The following CCDC141 variants were observed in gnomAD, a reference collection of about 807,000 sequenced individuals.
The protein encoded by CCDC141 is coiled-coil domain-containing protein 141.
CCDC141 carries 168 observed loss-of-function variants against 181.0 expected under a neutral mutation model. The observed-to-expected ratio is 0.93, with a 90% CI of 0.82 to 1.05. The LOEUF is 1.05. Ranked by LOEUF, CCDC141 falls within the 50% of genes least tolerant of loss-of-function variation. The probability of loss-of-function intolerance (pLI) is 0.00; values close to 1 mark genes in which losing one functional copy is unlikely to be tolerated. For synonymous variants in CCDC141, 666 were observed against 642.3 expected (o/e 1.04, Z -0.56); for missense variants, 1,902 against 1,788.5 (o/e 1.06, Z -1.14).
At chr2:178,968,032 G>A (rs1056485019) in intron 4 of CCDC141, among the ~76,000 whole-genome samples, 1 of 152,152 alleles carries the variant, frequency 6.6e-6, no homozygotes, top group South Asian at 2.1e-4. Context: ...AGCAAGAAGA[G>A]CTAACTATCC....
At chr2:178,882,638 A>C (rs956198500) in intron 11 of CCDC141, among the ~76,000 whole-genome samples, 3 of 152,104 alleles carry the variant, frequency 2.0e-5, no homozygotes, top group African/African-American at 7.2e-5. Flanking sequence ...TAGGGATAGA[A>C]ACTAAGGTGA....
At chr2:178,991,447 A>T (rs752244115) in intron 2 of CCDC141, among the ~76,000 whole-genome samples, 7 of 152,050 alleles carry the variant, frequency 4.6e-5, no homozygotes, top group Non-Finnish European at 8.8e-5. Context: ...TTAACTTTTG[A>T]CATTTTAAAA....
At chr2:179,045,388 A>T (rs1460181853) in intron 2 of CCDC141, among the ~76,000 whole-genome samples, 1 of 148,880 alleles carries the variant, frequency 6.7e-6, no homozygotes, top group Non-Finnish European at 1.5e-5. Flanking sequence ...TATATGTGCC[A>T]CATTTTCTTA....
In CCDC141 at chr2:178,994,676, C is replaced by T. The variant is rs11695926; in HGVS notation, c.226-16001G>A. ...CAGAAAATGGGATTTTCTTTTCTGTCGCATTGTCAACCTGCAAATTTTCCA... is the reference window on the plus strand; with the variant it reads ...CAGAAAATGGGATTTTCTTTTCTGTTGCATTGTCAACCTGCAAATTTTCCA... On this transcript the variant is annotated intron_variant, in intron 2 of 23. Coordinates refer to ENST00000443758, the MANE Select transcript of CCDC141 (RefSeq NM_173648.4). Among the ~76,000 whole-genome samples, 18 of 152,050 alleles carry T rather than the reference C, an allele frequency of 1.2e-4. 1 individual carries two copies. Among genetic ancestry groups the T allele is most frequent in the Admixed American group, 1.1e-3 (17 of 15,284 alleles).
chr2:178,821,145 G>A, the CCDC141 span, among the ~76,000 whole-genome samples: 1 of 152,108 alleles, frequency 6.6e-6, no homozygotes, highest in East Asian at 1.9e-4. Context: ...AGCCACAACT[G>A]CATGAAAGGG....
intron 6 of CCDC141, among the ~76,000 whole-genome samples, chr2:178,933,412 A>G (rs1244698937): frequency 6.6e-6 from 1 of 152,200 alleles, no homozygotes; most frequent in African/African-American, 2.4e-5. Flanking sequence ...ATTTGTTAAA[A>G]CACAGTCTCA....
intron 2 of CCDC141, among the ~76,000 whole-genome samples, chr2:179,017,037 G>T (rs1035550468): frequency 6.6e-6 from 1 of 151,806 alleles, no homozygotes; most frequent in Non-Finnish European, 1.5e-5. Context: ...ACACAAAAAT[G>T]TATTAATCTA....
intron 14 of CCDC141, among the ~76,000 whole-genome samples, chr2:178,869,603 T>C (rs1404162978): frequency 6.6e-6 from 1 of 152,222 alleles, no homozygotes; most frequent in African/African-American, 2.4e-5. Context: ...TCTATTCATC[T>C]GTTAAGTAAA....
chr2:178,939,193 C>T (rs775425172), intron 6 of CCDC141, among the ~76,000 whole-genome samples: 17 of 152,064 alleles, frequency 1.1e-4, no homozygotes, highest in Non-Finnish European at 1.9e-4. Context: ...CAGAGCCTTA[C>T]GTTTAAAAGG....
intron 2 of CCDC141, among the ~76,000 whole-genome samples, chr2:179,019,493 C>CG (rs918991657): frequency 2.0e-5 from 3 of 151,970 alleles, no homozygotes; most frequent in Non-Finnish European, 2.9e-5. Flanking sequence ...AGTTTAATGA[C>CG]GTAATATTTA....
intron 11 of CCDC141, among the ~76,000 whole-genome samples, chr2:178,882,979 G>T (rs907776218): frequency 2.0e-5 from 3 of 152,136 alleles, no homozygotes; most frequent in African/African-American, 7.2e-5. Flanking sequence ...GGATTGGAAG[G>T]ATGGAAGACT....
At chr2:178,867,589 T>C (rs137866480) in intron 16 of CCDC141, among the ~76,000 whole-genome samples, 2 of 152,324 alleles carry the variant, frequency 1.3e-5, no homozygotes, top group African/African-American at 4.8e-5. Flanking sequence ...GTTTCGAAAG[T>C]TGATTCCCAT....
At chr2:178,918,345 C>CTGCA (rs1439203541) in intron 7 of CCDC141, among the ~76,000 whole-genome samples, 1 of 152,050 alleles carries the variant, frequency 6.6e-6, no homozygotes, top group Non-Finnish European at 1.5e-5. Context: ...GAGGTCGAGG[C>CTGCA]TGCAGTAAGC....
intron 7 of CCDC141, among the ~76,000 whole-genome samples, chr2:178,916,142 A>C (rs922190308): frequency 6.6e-6 from 1 of 152,312 alleles, no homozygotes; most frequent in Non-Finnish European, 1.5e-5. Context: ...AAGAACAGGA[A>C]TGTTCACAAT....
intron 2 of CCDC141, among the ~76,000 whole-genome samples, chr2:178,986,310 C>T (rs1332813074): frequency 6.6e-6 from 1 of 152,078 alleles, no homozygotes; most frequent in Admixed American, 6.6e-5. Flanking sequence ...ATTGATGGGA[C>T]ATATTTCAAA....
At chr2:178,819,533 A>G in the CCDC141 span, among the ~76,000 whole-genome samples, 4 of 152,248 alleles carry the variant, frequency 2.6e-5, no homozygotes, top group African/African-American at 9.6e-5. Flanking sequence ...ACAAAACACC[A>G]GTGTGTAATC....
chr2:179,012,704 C>T (rs992977654), intron 2 of CCDC141, among the ~76,000 whole-genome samples: 11 of 152,182 alleles, frequency 7.2e-5, no homozygotes, highest in Non-Finnish European at 1.3e-4. Context: ...AACATAGATG[C>T]TAAAATCCTT....
intron 2 of CCDC141, among the ~76,000 whole-genome samples, chr2:179,034,525 A>T (rs973352641): frequency 2.0e-5 from 3 of 152,208 alleles, no homozygotes; most frequent in African/African-American, 7.2e-5. Flanking sequence ...AACATGGTCA[A>T]TATGAGAGCA....
intron 2 of CCDC141, among the ~76,000 whole-genome samples, chr2:178,991,527 A>T (rs1420522210): frequency 6.6e-6 from 1 of 152,168 alleles, no homozygotes; most frequent in Non-Finnish European, 1.5e-5. Context: ...TGGTTACCAG[A>T]GGCTAGGAGG....
Sources: gnomAD v4.1 joint callset for allele counts (sites outside exome capture counted in the v4.1 genomes callset) on GRCh38, gnomAD v4.1.1 for gene constraint, MANE v1.5 for transcripts, NCBI Gene and HGNC (gene_info 2026-07-23, HGNC 2026-07-21) for gene names.